The following KNL1 variants were observed in gnomAD, a reference collection of about 807,000 sequenced individuals.
KNL1 encodes outer kinetochore KNL1 complex subunit KNL1.
A neutral mutation model predicts 201.3 loss-of-function variants in KNL1; 66 were observed. The observed-to-expected ratio is 0.33, with a 90% confidence interval of 0.27 to 0.40. The LOEUF is 0.40. KNL1 is among the 10% of genes least tolerant of loss of function. The pLI is 1.00. For missense variants in KNL1, 2,815 were observed against 2,690.5 expected, an observed-to-expected ratio of 1.05 and a Z score of -1.02; for synonymous variants, 895 against 899.2, an observed-to-expected ratio of 1.00 and a Z score of 0.08.
intron 13 of KNL1, among the ~76,000 whole-genome samples, chr15:40,634,106 T>C (rs969209284): frequency 1.6e-4 from 25 of 152,098 alleles, no homozygotes; most frequent in African/African-American, 6.0e-4. Flanking sequence ...TGTTGTTGTT[T>C]GTTTGTTTGT....
At chr15:40,629,460 TAG>T in intron 13 of KNL1, 89 bp downstream of exon 13, 1 of 503,938 alleles carries the variant, frequency 2.0e-6, no homozygotes, top group South Asian at 2.1e-5. Context: ...AATTTTCCTA[TAG>T]AGAGTTTTCT....
At chr15:40,628,770 A>T in intron 12 of KNL1, 92 bp downstream of exon 12, 1 of 713,386 alleles carries the variant, frequency 1.4e-6, no homozygotes. Context: ...TGGTTTAAAA[A>T]ATTTTTTTTA....
intron 13 of KNL1, among the ~76,000 whole-genome samples, chr15:40,631,629 CATAAT>C (rs1467688696): frequency 2.6e-5 from 4 of 151,924 alleles, no homozygotes; most frequent in Non-Finnish European, 5.9e-5. Flanking sequence ...TATTAATACT[CATAAT>C]ATCCACAAAA....
In KNL1 at chr15:40,622,406, T is replaced by TA. The variant is rs1892569227; in HGVS notation, c.2143dup (p.Thr715AsnfsTer5). On this transcript the variant is annotated frameshift_variant, in exon 10 of 26. Coordinates refer to ENST00000399668, the MANE Select transcript of KNL1 (RefSeq NM_144508.5). LOFTEE classifies it high-confidence loss of function. ...GACAGTTCTCTATGAAAAATCATGATACTGCTATAAGTAGTCATACAGTGA... is the reference window on the plus strand; with the variant it reads ...GACAGTTCTCTATGAAAAATCATGATAACTGCTATAAGTAGTCATACAGTGA... The TA allele has an allele frequency of 6.2e-7, 1 of 1,613,672 alleles. No homozygotes were observed. Among genetic ancestry groups the TA allele is most frequent in the African/African-American group, 1.3e-5 (1 of 74,926 alleles).
intron 17 of KNL1, among the ~76,000 whole-genome samples, chr15:40,649,307 CTTT>C (rs1308230629): frequency 6.6e-6 from 1 of 151,444 alleles, no homozygotes; most frequent in Non-Finnish European, 1.5e-5. Context: ...AGTTCTGCCA[CTTT>C]TTTGAGACAG....
chr15:40,620,083 T>C (rs760059530), intron 9 of KNL1, among the ~76,000 whole-genome samples: 1 of 152,176 alleles, frequency 6.6e-6, no homozygotes, highest in Non-Finnish European at 1.5e-5. Flanking sequence ...CATGCACCAC[T>C]GTGCCTAATT....
chr15:40,624,605 C>T lies in KNL1; in HGVS notation c.4341C>T (p.Thr1447=), dbSNP rs376600396. 4.3e-6 allele frequency: 7 copies of T among 1,613,810 alleles called. No homozygotes were observed. Among genetic ancestry groups the T allele is most frequent in the East Asian group, 2.2e-5 (1 of 44,862 alleles). Residue 1447 remains threonine, a synonymous_variant, in exon 10 of 26, where the codon ACC becomes ACT. Coordinates refer to ENST00000399668, the MANE Select transcript of KNL1 (RefSeq NM_144508.5). ...TTATTCCTCAGCCTCATTTCTCAAC[C>T]GACCAACCTCCATTACCTAAAAAAG... ...IYVIPQPHFS[T]DQPPLPKKGQ... is the part of the protein sequence containing the mutation.
chr15:40,650,747 C>T (rs1248761789), intron 19 of KNL1, among the ~76,000 whole-genome samples, 164 bp downstream of exon 19: 2 of 152,160 alleles, frequency 1.3e-5, no homozygotes, highest in Non-Finnish European at 2.9e-5. Context: ...TCTTAGTCAA[C>T]AGTAGTTTTG....
At chr15:40,601,215 C>A (rs1362538981) in intron 1 of KNL1, among the ~76,000 whole-genome samples, 1 of 152,112 alleles carries the variant, frequency 6.6e-6, no homozygotes, top group African/African-American at 2.4e-5. Context: ...ATCTAGGTTG[C>A]GGGCTCCTTA....
intron 22 of KNL1, among the ~76,000 whole-genome samples, chr15:40,655,221 C>A (rs1893689048): frequency 6.6e-6 from 1 of 152,112 alleles, no homozygotes; most frequent in Non-Finnish European, 1.5e-5. Context: ...TCACTTGAAC[C>A]TGGGAGGTGG....
chr15:40,602,644 G>C (rs1444940170), intron 1 of KNL1, among the ~76,000 whole-genome samples: 1 of 151,492 alleles, frequency 6.6e-6, no homozygotes, highest in Admixed American at 6.6e-5. Context: ...GCGCCACCAC[G>C]CCCAGCTAAT....
Position 40,657,089 on chromosome 15 carries a change from C to G in KNL1, c.6532C>G (p.Gln2178Glu), listed in dbSNP as rs1893757119. 1.9e-6 allele frequency: 3 copies of G among 1,607,964 alleles called. No homozygotes were observed. The South Asian group carries it at 3.3e-5, about 18-fold the overall frequency. ...SSLLVHKLIFQYVEEKESWKK... is the reference protein window; with the variant it reads ...SSLLVHKLIFEYVEEKESWKK... ...CCTTTTAGTTCATAAGCTTATTTTC[C>G]AGTACGTTGAAGAAAAGGAATCCTG... The change falls in exon 23 of 26, where the codon CAG becomes GAG. Residue 2178 changes from glutamine to glutamate, a missense_variant. Gln to Glu is a conservative substitution (Grantham distance 29). Coordinates refer to ENST00000399668, the MANE Select transcript of KNL1 (RefSeq NM_144508.5).
rs3092979 is a variant in KNL1, at chr15:40,645,449, A to G, written c.5890-207A>G. Among the ~76,000 whole-genome samples, 59,084 of 152,052 alleles carry G rather than the reference A, an allele frequency of 0.39. 11,687 individuals carry two copies. Among genetic ancestry groups the G allele is most frequent in the Middle Eastern group, 0.47 (138 of 294 alleles). Reference sequence around the variant, plus strand: ...AAGTTTCATTAACTAAGAGCCTGTCATTTTCTAATTTATAATATGAATAAG... The same window carrying G: ...AAGTTTCATTAACTAAGAGCCTGTCGTTTTCTAATTTATAATATGAATAAG... On this transcript the variant is annotated intron_variant, in intron 15 of 25. Coordinates refer to ENST00000399668, the MANE Select transcript of KNL1 (RefSeq NM_144508.5).
intron 14 of KNL1, among the ~76,000 whole-genome samples, chr15:40,641,893 G>A (rs1005272557): frequency 1.3e-5 from 2 of 152,156 alleles, no homozygotes; most frequent in East Asian, 3.8e-4. Context: ...TATGGTATAC[G>A]TAAATACTGC....
Position 40,620,923 on chromosome 15 carries a change from A to C in KNL1, c.659A>C (p.Lys220Thr), listed in dbSNP as rs755262298. ...ENKIDFNDFI[K>T]RLKTGKCSAF... ...AAAATAGATTTCAATGACTTCATAA[A>C]AAGATTGAAAACAGGAAAATGTAGT... The change falls in exon 10 of 26, where the codon AAA becomes ACA. Residue 220 changes from lysine to threonine, a missense_variant. Lys to Thr is a moderately conservative substitution (Grantham distance 78). Around this residue, in one of 3 missense-constraint regions of KNL1, gnomAD observed 2,464 missense variants for 2,291.7 expected, o/e 1.08. Coordinates refer to ENST00000399668, the MANE Select transcript of KNL1 (RefSeq NM_144508.5). 1 of 1,601,476 alleles carries C rather than the reference A, an allele frequency of 6.2e-7. No individual in the cohort carries two copies. Among genetic ancestry groups the C allele is most frequent in the Non-Finnish European group, 8.5e-7 (1 of 1,176,760 alleles).
chr15:40,628,791 A>G, intron 12 of KNL1, 113 bp downstream of exon 12: 1 of 578,830 alleles, frequency 1.7e-6, no homozygotes, highest in Non-Finnish European at 3.0e-6. Flanking sequence ...ATTACGAAAT[A>G]TTTCAAATAT....
chr15:40,604,183 AG>A (rs1891900923), intron 2 of KNL1, among the ~76,000 whole-genome samples: 1 of 151,442 alleles, frequency 6.6e-6, no homozygotes, highest in Admixed American at 6.6e-5. Flanking sequence ...GAGGGACTTT[AG>A]ATACTATCTC....
intron 8 of KNL1, among the ~76,000 whole-genome samples, chr15:40,618,724 A>G (rs539526958): frequency 1.3e-3 from 197 of 152,310 alleles, no homozygotes; most frequent in African/African-American, 4.6e-3. Context: ...AGTTACCCTG[A>G]TTTGATCATT....
Position 40,624,168 on chromosome 15 carries a change from T to C in KNL1, c.3904T>C (p.Tyr1302His), listed in dbSNP as rs745497901. ...TGCTGTTTGTGGATCCAGTGATAAT[T>C]ATTCCTGTTTACCAAATGTTATTTC... ...ATAVCGSSDN[Y>H]SCLPNVISCT... Residue 1302 changes from tyrosine to histidine, a missense_variant, in exon 10 of 26, where the codon TAT becomes CAT. Physicochemically the swap from Tyr to His is moderately conservative, Grantham distance 83. Around this residue, in one of 3 missense-constraint regions of KNL1, gnomAD observed 2,464 missense variants for 2,291.7 expected, o/e 1.08. Coordinates refer to ENST00000399668, the MANE Select transcript of KNL1 (RefSeq NM_144508.5). 1.5e-5 allele frequency: 25 copies of C among 1,613,980 alleles called. No individual in the cohort carries two copies. The highest frequency in any genetic ancestry group is 2.1e-5 in the Non-Finnish European group (25 of 1,179,938).
Sources: gnomAD v4.1 joint callset for allele counts (sites outside exome capture counted in the v4.1 genomes callset) on GRCh38, gnomAD v4.1.1 for gene constraint, gnomAD v4.1.1 regional missense constraint, MANE v1.5 for transcripts, NCBI Gene and HGNC (gene_info 2026-07-23, HGNC 2026-07-21) for gene names.